Variants in CNTNAP2 observed in about 807,000 individuals in gnomAD.
CNTNAP2 encodes contactin associated protein 2, also known as contactin-associated protein-like 2.
Under a neutral mutation model 155.2 loss-of-function variants are expected in CNTNAP2, and 98 were observed. The observed-to-expected ratio is 0.63, with a 90% confidence interval of 0.54 to 0.75. The LOEUF (loss-of-function observed/expected upper bound fraction) is 0.75, where lower values mean the gene tolerates loss of function less well. Ranked by LOEUF, CNTNAP2 falls within the 30% of genes least tolerant of loss-of-function variation. CNTNAP2 has a pLI of 0.00. For synonymous variants in CNTNAP2, 651 were observed against 631.2 expected (o/e 1.03, Z -0.47); for missense variants, 1,727 against 1,688.1 (o/e 1.02, Z -0.40).
chr7:147,045,133 A>G (rs1318666482), intron 4 of CNTNAP2, among the ~76,000 whole-genome samples: 1 of 152,102 alleles, frequency 6.6e-6, no homozygotes, highest in Non-Finnish European at 1.5e-5. Context: ...AGCTGTTACA[A>G]TTCCCTGGGG....
chr7:147,527,331 T>C (rs1186014554), intron 11 of CNTNAP2, among the ~76,000 whole-genome samples: 2 of 152,154 alleles, frequency 1.3e-5, no homozygotes, highest in African/African-American at 4.8e-5. Flanking sequence ...CCAAGACAGG[T>C]ATTTCTTTTC....
intron 3 of CNTNAP2, among the ~76,000 whole-genome samples, chr7:146,882,819 C>T (rs567857801): frequency 6.6e-6 from 1 of 152,186 alleles, no homozygotes; most frequent in South Asian, 2.1e-4. Context: ...ATACCTTTTA[C>T]AATAGCTACA....
intron 3 of CNTNAP2, among the ~76,000 whole-genome samples, chr7:147,017,152 GCTT>G (rs1056281302): frequency 5.3e-5 from 8 of 150,984 alleles, no homozygotes; most frequent in African/African-American, 7.3e-5. Flanking sequence ...CTTTATTTCT[GCTT>G]CTTCTTCTGT....
intron 21 of CNTNAP2, among the ~76,000 whole-genome samples, chr7:148,275,398 T>C (rs558869376): frequency 6.6e-6 from 1 of 152,204 alleles, no homozygotes; most frequent in Admixed American, 6.5e-5. Context: ...AATGAAGAGT[T>C]AGAATGATCT....
At chr7:147,418,485 C>T (rs778154876) in intron 10 of CNTNAP2, among the ~76,000 whole-genome samples, 2 of 152,152 alleles carry the variant, frequency 1.3e-5, no homozygotes, top group Non-Finnish European at 2.9e-5. Context: ...TCATCTTACA[C>T]AATTTATTAT....
At chr7:146,837,651 G>GTTGT (rs1332277040) in intron 2 of CNTNAP2, among the ~76,000 whole-genome samples, 1 of 151,910 alleles carries the variant, frequency 6.6e-6, no homozygotes, top group African/African-American at 2.4e-5. Flanking sequence ...TGGATGCAAT[G>GTTGT]TTGTTCAGTT....
chr7:146,821,087 C>T (rs1803271944), intron 2 of CNTNAP2, among the ~76,000 whole-genome samples: 1 of 152,230 alleles, frequency 6.6e-6, no homozygotes, highest in East Asian at 1.9e-4. Context: ...TTCCTGAATA[C>T]AGCACACTGA....
At chr7:148,297,165 A>AAAGAAAGGAAGG (rs1554413951) in intron 21 of CNTNAP2, among the ~76,000 whole-genome samples, 1 of 128,832 alleles carries the variant, frequency 7.8e-6, no homozygotes, top group African/African-American at 3.0e-5. Context: ...GAGATAGAGA[A>AAAGAAAGGAAGG]AAGGAAGGAA....
chr7:148,168,475 C>G (rs1805714922), intron 17 of CNTNAP2, among the ~76,000 whole-genome samples: 1 of 150,172 alleles, frequency 6.7e-6, no homozygotes, highest in African/African-American at 2.5e-5. Context: ...AAAAACCAAA[C>G]ACCGCATGTT....
intron 13 of CNTNAP2, among the ~76,000 whole-genome samples, chr7:147,738,843 C>T (rs984163463): frequency 6.6e-6 from 1 of 151,898 alleles, no homozygotes; most frequent in African/African-American, 2.4e-5. Flanking sequence ...TTAGTACAGA[C>T]AGGGTTTCGC....
intron 11 of CNTNAP2, among the ~76,000 whole-genome samples, chr7:147,519,252 C>T (rs1163182403): frequency 1.3e-5 from 2 of 152,066 alleles, no homozygotes; most frequent in Non-Finnish European, 2.9e-5. Context: ...CTCCCGCATT[C>T]CTGGGCTTAG....
chr7:147,141,058 T>C (rs1801582303), intron 8 of CNTNAP2, among the ~76,000 whole-genome samples: 1 of 152,166 alleles, frequency 6.6e-6, no homozygotes, highest in Admixed American at 6.5e-5. Context: ...TTTGCATTAA[T>C]TATCTTGCTA....
At chr7:146,421,448 G>C (rs1398108566) in intron 1 of CNTNAP2, among the ~76,000 whole-genome samples, 1 of 151,878 alleles carries the variant, frequency 6.6e-6, no homozygotes, top group African/African-American at 2.4e-5. Flanking sequence ...ATACACAGAA[G>C]GTTTTATGGA....
At chr7:148,163,857 T>A (rs1585160846) in intron 17 of CNTNAP2, among the ~76,000 whole-genome samples, 1 of 152,324 alleles carries the variant, frequency 6.6e-6, no homozygotes, top group Non-Finnish European at 1.5e-5. Flanking sequence ...CTCTTGGCCA[T>A]TCTGCTGTTC....
At chr7:146,465,735 G>A (rs542893918) in intron 1 of CNTNAP2, among the ~76,000 whole-genome samples, 1 of 152,198 alleles carries the variant, frequency 6.6e-6, no homozygotes, top group South Asian at 2.1e-4. Flanking sequence ...AGATTGATAC[G>A]GCAGGATAGG....
chr7:146,892,236 G>A (rs1185171124), intron 3 of CNTNAP2, among the ~76,000 whole-genome samples: 1 of 152,110 alleles, frequency 6.6e-6, no homozygotes, highest in Non-Finnish European at 1.5e-5. Flanking sequence ...TTCTCCTCAT[G>A]TGGGCATTTC....
At chr7:148,071,155 A>G (rs1301623997) in intron 15 of CNTNAP2, among the ~76,000 whole-genome samples, 1 of 152,160 alleles carries the variant, frequency 6.6e-6, no homozygotes, top group Non-Finnish European at 1.5e-5. Context: ...TATGAGACCA[A>G]GTACAAATAT....
At chr7:147,286,245 T>C (rs557635765) in intron 8 of CNTNAP2, among the ~76,000 whole-genome samples, 2 of 152,138 alleles carry the variant, frequency 1.3e-5, no homozygotes, top group South Asian at 2.1e-4. Context: ...CTGAAACATA[T>C]ATGGGACAAA....
chr7:147,714,125 G>T (rs1212720140), intron 13 of CNTNAP2, among the ~76,000 whole-genome samples: 1 of 152,032 alleles, frequency 6.6e-6, no homozygotes, highest in Non-Finnish European at 1.5e-5. Context: ...CTATGAATGT[G>T]CTGGGTGGTA....
Sources: gnomAD v4.1 joint callset for allele counts (sites outside exome capture counted in the v4.1 genomes callset) on GRCh38, gnomAD v4.1.1 for gene constraint, MANE v1.5 for transcripts, NCBI Gene and HGNC (gene_info 2026-07-23, HGNC 2026-07-21) for gene names.